DCT: variants seen among roughly 807,000 people sequenced by gnomAD.
The protein encoded by DCT is dopachrome tautomerase, also known as L-dopachrome tautomerase.
In DCT, 47 loss-of-function variants were observed where a neutral mutation model predicts 53.0. That is an observed-to-expected ratio of 0.89 (90% CI 0.70 to 1.13). The LOEUF is 1.13. DCT is among the 50% of genes most tolerant of loss of function. The probability of loss-of-function intolerance (pLI) is 0.00; values close to 1 mark genes in which losing one functional copy is unlikely to be tolerated. For synonymous variants in DCT, 244 were observed against 237.0 expected (o/e 1.03, Z -0.27); for missense variants, 669 against 637.4 (o/e 1.05, Z -0.53).
chr13:94,441,355 G>A (rs1313117308), intron 7 of DCT, among the ~76,000 whole-genome samples: 1 of 152,048 alleles, frequency 6.6e-6, no homozygotes, highest in African/African-American at 2.4e-5. Flanking sequence ...AGAAATTGTT[G>A]TAACATATAT....
intron 2 of DCT, 60 bp downstream of exon 2, chr13:94,468,686 A>C (rs1312241761): frequency 1.0e-5 from 15 of 1,460,834 alleles, no homozygotes; most frequent in African/African-American, 2.8e-5. Flanking sequence ...TCCCACTGCC[A>C]TACCCTCAAC....
At chr13:94,486,920 A>C in the DCT span, among the ~76,000 whole-genome samples, 3 of 152,170 alleles carry the variant, frequency 2.0e-5, no homozygotes, top group African/African-American at 7.2e-5. Context: ...ACACACACAC[A>C]TTTCTGTGTA....
In DCT at chr13:94,438,385, T is replaced by C; in HGVS notation, c.*1513A>G. ...CAGATGCACCTGTAGCTTTATGAGA[T>C]TCAAATTCAGTTCCAACTGGGCTTT... On this transcript the variant is annotated 3_prime_UTR_variant, in exon 8 of 8. Coordinates refer to ENST00000377028, the MANE Select transcript of DCT (RefSeq NM_001922.5). 2 of 228,740 alleles carry C rather than the reference T, an allele frequency of 8.7e-6. No individual in the cohort carries two copies. Among genetic ancestry groups the C allele is most frequent in the South Asian group, 1.1e-4 (2 of 18,180 alleles). The allele number at this position is 228,740 out of a possible 1,614,324, so 14.2% of individuals were successfully genotyped here.
the DCT span, among the ~76,000 whole-genome samples, chr13:94,497,997 A>G: frequency 2.0e-5 from 3 of 152,234 alleles, no homozygotes; most frequent in Non-Finnish European, 4.4e-5. Context: ...AAATGCAAAG[A>G]ACAAGCTACC....
At chr13:94,518,544 A>G in the DCT span, among the ~76,000 whole-genome samples, 6 of 152,192 alleles carry the variant, frequency 3.9e-5, no homozygotes, top group African/African-American at 1.4e-4. Context: ...TGAATCCATC[A>G]TCAAATTCTG....
chr13:94,533,805 G>A, the DCT span, among the ~76,000 whole-genome samples: 3 of 151,970 alleles, frequency 2.0e-5, no homozygotes, highest in African/African-American at 4.8e-5. Flanking sequence ...GAAAGAAATC[G>A]AGCAAATGTC....
chr13:94,455,381 T>TAGAGAGGGAG (rs1883343542), intron 6 of DCT, among the ~76,000 whole-genome samples: 1 of 141,652 alleles, frequency 7.1e-6, no homozygotes, highest in African/African-American at 2.7e-5. Context: ...GACTGTCTCT[T>TAGAGAGGGAG]AGAGAGAGAG....
At chr13:94,520,344 C>T in the DCT span, among the ~76,000 whole-genome samples, 7 of 152,212 alleles carry the variant, frequency 4.6e-5, no homozygotes, top group African/African-American at 1.7e-4. Context: ...TCTGATACCT[C>T]ATTCTCCTGA....
At chr13:94,458,825 A>G (rs1236825210) in intron 6 of DCT, among the ~76,000 whole-genome samples, 1 of 151,952 alleles carries the variant, frequency 6.6e-6, no homozygotes. Flanking sequence ...ATAAACAAAC[A>G]CTAAAAAAGC....
At chr13:94,460,879 A>G (rs769513032) in intron 5 of DCT, among the ~76,000 whole-genome samples, 21 of 152,372 alleles carry the variant, frequency 1.4e-4, no homozygotes, top group Non-Finnish European at 2.4e-4. Context: ...GATGGTAGAT[A>G]GATTAAAGAT....
the DCT span, among the ~76,000 whole-genome samples, chr13:94,540,121 A>C: frequency 6.6e-6 from 1 of 152,206 alleles, no homozygotes; most frequent in Admixed American, 6.5e-5. Flanking sequence ...CTAAAAAAAA[A>C]AATGTGTTTA....
At chr13:94,491,753 T>A in the DCT span, among the ~76,000 whole-genome samples, 1 of 152,194 alleles carries the variant, frequency 6.6e-6, no homozygotes, top group African/African-American at 2.4e-5. Context: ...TTCTGCTTAA[T>A]CTCACGGAAG....
In DCT at chr13:94,479,235, C is replaced by A; in HGVS notation, c.21G>T (p.Gly7=). The A allele has an allele frequency of 2.5e-6, 4 of 1,591,636 alleles. No homozygotes were observed. The highest frequency in any genetic ancestry group is 3.4e-6 in the Non-Finnish European group (4 of 1,162,734). Residue 7 remains glycine (G), a synonymous_variant, in exon 1 of 8, where the codon GGG becomes GGT. Transcript: ENST00000377028. MSPLWW[G]FLLSCLGCKI... is the part of the protein sequence containing the mutation. ...TGCAGCCCAAGCAACTGAGCAGAAA[C>A]CCCCACCAAAGGGGGCTCATGGCTT...
intron 1 of DCT, among the ~76,000 whole-genome samples, chr13:94,475,304 C>T (rs1343874697): frequency 1.3e-5 from 2 of 152,242 alleles, no homozygotes; most frequent in East Asian, 3.9e-4. Context: ...ATAAGTAGAG[C>T]CATCCAAAGT....
chr13:94,499,178 G>C, the DCT span, among the ~76,000 whole-genome samples: 1 of 152,208 alleles, frequency 6.6e-6, no homozygotes, highest in African/African-American at 2.4e-5. Context: ...GGCTGCAGAG[G>C]TCTGCAGCTT....
the DCT span, among the ~76,000 whole-genome samples, chr13:94,506,459 C>A: frequency 5.3e-5 from 8 of 151,838 alleles, no homozygotes; most frequent in Non-Finnish European, 1.2e-4. Context: ...ACAATGTGAA[C>A]AAGAATTTAA....
chr13:94,507,140 A>G, the DCT span, among the ~76,000 whole-genome samples: 57,671 of 152,028 alleles, frequency 0.38, 11,421 homozygotes, highest in East Asian at 0.61. Flanking sequence ...GAAAAGGGAC[A>G]TTAGAAGGAA....
chr13:94,470,131 G>T (rs964572030), intron 1 of DCT, among the ~76,000 whole-genome samples: 4 of 151,996 alleles, frequency 2.6e-5, no homozygotes. Flanking sequence ...GAGAAAGAAA[G>T]AAAATAAATA....
At chr13:94,481,343 G>A (rs543037512), upstream of DCT, among the ~76,000 whole-genome samples, 1 of 152,222 alleles carries the variant, frequency 6.6e-6, no homozygotes, top group East Asian at 1.9e-4. Flanking sequence ...ATCATGGGTG[G>A]GAAGAAACTT....
Sources: gnomAD v4.1 joint callset for allele counts (sites outside exome capture counted in the v4.1 genomes callset) on GRCh38, gnomAD v4.1.1 for gene constraint, MANE v1.5 for transcripts, NCBI Gene and HGNC (gene_info 2026-07-23, HGNC 2026-07-21) for gene names.